JMJD1C: variants seen among roughly 807,000 people sequenced by gnomAD.
JMJD1C encodes the protein jumonji domain-containing protein 1C.
JMJD1C carries 31 observed loss-of-function variants against 245.3 expected under a neutral mutation model. The observed-to-expected ratio is 0.13, with a 90% CI of 0.09 to 0.17. The LOEUF is 0.17. JMJD1C is among the 10% of genes least tolerant of loss of function. The pLI is 1.00. For missense variants in JMJD1C, 2,691 were observed against 3,000.2 expected, an observed-to-expected ratio of 0.90 and a Z score of 2.41; for synonymous variants, 1,057 against 1,017.4, an observed-to-expected ratio of 1.04 and a Z score of -0.74.
At chr10:63,442,861 TAACACCA>T (rs772283116) in intron 1 of JMJD1C, among the ~76,000 whole-genome samples, 1 of 152,214 alleles carries the variant, frequency 6.6e-6, no homozygotes, top group Non-Finnish European at 1.5e-5. Context: ...TTTTTCCTCC[TAACACCA>T]AATACATGAT....
At chr10:63,396,058 A>G (rs1050300888) in intron 1 of JMJD1C, among the ~76,000 whole-genome samples, 1 of 151,820 alleles carries the variant, frequency 6.6e-6, no homozygotes, top group Admixed American at 6.5e-5. Context: ...TTTTAAAAGT[A>G]AGTAAATTTT....
At chr10:63,200,787 A>C in intron 10 of JMJD1C, 110 bp from the exon 11 acceptor site, 1 of 904,212 alleles carries the variant, frequency 1.1e-6, no homozygotes, top group Non-Finnish European at 1.7e-6. Flanking sequence ...GTAAGACTTT[A>C]GTAAAGAAGC....
At chr10:63,486,021 G>T (rs1353366424) in intron 1 of JMJD1C, among the ~76,000 whole-genome samples, 1 of 151,820 alleles carries the variant, frequency 6.6e-6, no homozygotes, top group Admixed American at 6.6e-5. Flanking sequence ...ACTAATCCAG[G>T]ATTGGGGTCA....
At position 63,462,421 on chromosome 10, in the gene JMJD1C, C is replaced by T. The variant is rs75466233; in HGVS notation, c.168+3074G>A. ...TGTACAAGAAATATGTTTGCTACCA[C>T]GGTGTGGTAAAAAATAATTTAATCC... On this transcript the variant is annotated intron_variant, in intron 1 of 25. Coordinates refer to ENST00000399262, the MANE Select transcript of JMJD1C (RefSeq NM_032776.3). 2.6e-4 allele frequency among the ~76,000 whole-genome samples: 40 copies of T among 152,224 alleles called. No homozygotes were observed. The South Asian group carries it at 7.7e-3, about 29-fold the overall frequency.
At chr10:63,307,291 T>C (rs895880058) in intron 2 of JMJD1C, among the ~76,000 whole-genome samples, 3 of 152,176 alleles carry the variant, frequency 2.0e-5, no homozygotes, top group Non-Finnish European at 4.4e-5. Flanking sequence ...ATGGAACAAC[T>C]AGATATTATG....
upstream of JMJD1C, among the ~76,000 whole-genome samples, chr10:63,469,988 GATA>G (rs1175022013): frequency 1.3e-5 from 2 of 152,054 alleles, no homozygotes; most frequent in Non-Finnish European, 2.9e-5. Context: ...TCACATTTAT[GATA>G]ATGATAAATT....
chr10:63,444,031 A>G (rs1255081980), intron 1 of JMJD1C, among the ~76,000 whole-genome samples: 4 of 152,226 alleles, frequency 2.6e-5, no homozygotes, highest in Admixed American at 2.6e-4. Flanking sequence ...TTTACTTCTT[A>G]AATGCTATGT....
intron 1 of JMJD1C, among the ~76,000 whole-genome samples, chr10:63,433,142 A>G (rs1370281686): frequency 6.6e-6 from 1 of 150,792 alleles, no homozygotes; most frequent in Non-Finnish European, 1.5e-5. Context: ...CCCAGGCTGG[A>G]GTGCAATGCC....
Position 63,254,858 on chromosome 10 carries a change from C to G in JMJD1C, c.447+9793G>C, listed in dbSNP as rs572094878. Reference sequence around the variant, plus strand: ...TGCCACTATGCAGCATAGCTCCCCCCCTTTTTTTTTTATGAGATAGGGTCT... The same window carrying G: ...TGCCACTATGCAGCATAGCTCCCCCGCTTTTTTTTTTATGAGATAGGGTCT... On this transcript the variant is annotated intron_variant, in intron 3 of 25. Transcript: ENST00000399262. Among the ~76,000 whole-genome samples the G allele has an allele frequency of 1.0e-4, 15 of 148,910 alleles. No individual in the cohort carries two copies. The South Asian group carries it at 1.1e-3, about 11-fold the overall frequency.
At chr10:63,419,834 TAAAAAAAAAA>T (rs34006135) in intron 1 of JMJD1C, among the ~76,000 whole-genome samples, 1 of 114,524 alleles carries the variant, frequency 8.7e-6, no homozygotes, top group Non-Finnish European at 1.8e-5. Context: ...CTCCATGAAA[TAAAAAAAAAA>T]AAAAAAAAAA....
At chr10:63,267,875 C>T (rs898708895) in intron 2 of JMJD1C, among the ~76,000 whole-genome samples, 2 of 152,102 alleles carry the variant, frequency 1.3e-5, no homozygotes, top group African/African-American at 4.8e-5. Context: ...CTTAGAACAA[C>T]TGTATCCTGT....
chr10:63,348,162 C>T (rs1342971415), intron 2 of JMJD1C, among the ~76,000 whole-genome samples: 1 of 150,044 alleles, frequency 6.7e-6, no homozygotes, highest in Non-Finnish European at 1.5e-5. Context: ...GCTGGGATCG[C>T]GCCATTGTAC....
chr10:63,377,352 AC>A (rs1289486107), intron 2 of JMJD1C, among the ~76,000 whole-genome samples: 1 of 152,246 alleles, frequency 6.6e-6, no homozygotes, highest in Admixed American at 6.5e-5. Flanking sequence ...GAATGTACTT[AC>A]TACCAATGAC....
In JMJD1C at chr10:63,230,240, C is replaced by T. The variant is rs148978176; in HGVS notation, c.448-10257G>A. On this transcript the variant is annotated intron_variant, in intron 3 of 25. Coordinates refer to ENST00000399262, the MANE Select transcript of JMJD1C (RefSeq NM_032776.3). ...TACAAGAATTAGTCGAGCATGGTGG[C>T]GCTTGCCTGTAATCCCAGCTACTCA... Among the ~76,000 whole-genome samples, 811 of 152,158 alleles carry T rather than the reference C, an allele frequency of 5.3e-3. 8 individuals are homozygous for T. Among genetic ancestry groups the T allele is most frequent in the African/African-American group, 0.018 (752 of 41,528 alleles).
intron 2 of JMJD1C, among the ~76,000 whole-genome samples, chr10:63,319,075 A>G (rs1315807601): frequency 6.6e-6 from 1 of 151,958 alleles, no homozygotes; most frequent in Non-Finnish European, 1.5e-5. Context: ...CCTGACTAAC[A>G]TGGTGAAACA....
At chr10:63,236,354 TA>T (rs921076846) in intron 3 of JMJD1C, among the ~76,000 whole-genome samples, 2 of 152,050 alleles carry the variant, frequency 1.3e-5, no homozygotes, top group Non-Finnish European at 2.9e-5. Flanking sequence ...ATAACCAGAG[TA>T]AAAAAATCAG....
chr10:63,309,715 G>A (rs868256943), intron 2 of JMJD1C, among the ~76,000 whole-genome samples: 4 of 151,962 alleles, frequency 2.6e-5, no homozygotes, highest in African/African-American at 4.8e-5. Flanking sequence ...TCTGGAGTTC[G>A]AGACCAGCCT....
In JMJD1C at chr10:63,243,103, T is replaced by TTATATATATATATATATATATATA. The variant is rs10607355; in HGVS notation, c.447+21547_447+21548insTATATATATATATATATATATATA. 5.9e-3 allele frequency among the ~76,000 whole-genome samples: 701 copies of TTATATATATATATATATATATATA among 119,646 alleles called. 5 individuals carry two copies. Among genetic ancestry groups the TTATATATATATATATATATATATA allele is most frequent in the South Asian group, 0.014 (47 of 3,446 alleles). The allele number at this position is 119,646 out of a possible 152,430, so 78.5% of individuals were successfully genotyped here. A position where few individuals can be genotyped will look rare whatever the true frequency, so the allele number is the denominator to read the frequency against. ...AAGAGCCAAAATACACTAACATAAA[T>TTATATATATATATATATATATATA]TATATATATATATATATATATAAAT... On this transcript the variant is annotated intron_variant, in intron 3 of 25. Transcript: ENST00000399262.
At chr10:63,434,527 A>C (rs1324924955) in intron 1 of JMJD1C, among the ~76,000 whole-genome samples, 1 of 152,124 alleles carries the variant, frequency 6.6e-6, no homozygotes, top group Non-Finnish European at 1.5e-5. Context: ...GAGAGGAATA[A>C]GCTACCGAGA....
Sources: allele counts gnomAD v4.1 joint callset (sites outside exome capture counted in the v4.1 genomes callset), GRCh38; gene constraint gnomAD v4.1.1; transcripts MANE v1.5; gene names NCBI Gene and HGNC (gene_info 2026-07-23, HGNC 2026-07-21).